CTNNA3: variants seen among roughly 807,000 people sequenced by gnomAD.
The protein encoded by CTNNA3 is catenin alpha 3.
In CTNNA3, 76 loss-of-function variants were observed where a neutral mutation model predicts 95.7. That is an observed-to-expected ratio of 0.79 (90% CI 0.66 to 0.96). The LOEUF (loss-of-function observed/expected upper bound fraction) is 0.96, where lower values mean the gene tolerates loss of function less well. Among genes scored for constraint, CTNNA3 ranks in the 40% least tolerant of loss-of-function variants. The pLI, the probability that CTNNA3 is intolerant of heterozygous loss-of-function variation, is 0.00. For synonymous variants in CTNNA3, 431 were observed against 374.4 expected (o/e 1.15, Z -1.74); for missense variants, 1,191 against 1,089.8 (o/e 1.09, Z -1.31).
At chr10:67,118,721 T>C (rs1285262543) in intron 7 of CTNNA3, among the ~76,000 whole-genome samples, 1 of 151,928 alleles carries the variant, frequency 6.6e-6, no homozygotes, top group Admixed American at 6.6e-5. Context: ...ATAAAAATAT[T>C]TGGAGCCTGC....
At chr10:66,134,909 T>C (rs1202344380) in intron 13 of CTNNA3, among the ~76,000 whole-genome samples, 5 of 152,236 alleles carry the variant, frequency 3.3e-5, no homozygotes, top group Admixed American at 3.3e-4. Flanking sequence ...CACTCTTGGT[T>C]GGAAATATTA....
intron 7 of CTNNA3, among the ~76,000 whole-genome samples, chr10:67,024,815 C>T (rs1853251926): frequency 6.6e-6 from 1 of 151,788 alleles, no homozygotes; most frequent in Non-Finnish European, 1.5e-5. Flanking sequence ...TATTTATAAC[C>T]AATATTAATG....
intron 1 of CTNNA3, among the ~76,000 whole-genome samples, chr10:67,703,298 C>A (rs954046420): frequency 2.0e-5 from 3 of 149,686 alleles, no homozygotes; most frequent in African/African-American, 7.6e-5. Flanking sequence ...CATCCTGATA[C>A]CAAAGCCTGG....
chr10:67,253,532 C>T (rs955049062), intron 5 of CTNNA3, among the ~76,000 whole-genome samples: 37 of 151,986 alleles, frequency 2.4e-4, no homozygotes, highest in Admixed American at 2.2e-3. Flanking sequence ...GGGAGATGAG[C>T]GAGATGATTT....
intron 7 of CTNNA3, among the ~76,000 whole-genome samples, chr10:66,797,929 G>A (rs571511716): frequency 2.6e-5 from 4 of 151,804 alleles, no homozygotes; most frequent in South Asian, 4.2e-4. Flanking sequence ...CAATAAACCA[G>A]GGACTAAAGC....
At chr10:66,493,599 A>ATTTTTTTTTTTTTTTTTTTTTTTTTTTT (rs528761424) in intron 11 of CTNNA3, among the ~76,000 whole-genome samples, 10 of 112,022 alleles carry the variant, frequency 8.9e-5, no homozygotes, top group East Asian at 3.7e-4. Flanking sequence ...TAACTACAGT[A>ATTTTTTTTTTTTTTTTTTTTTTTTTTTT]TTTTTTTTTT....
intron 3 of CTNNA3, among the ~76,000 whole-genome samples, chr10:67,563,605 C>G (rs559302345): frequency 6.6e-6 from 1 of 152,228 alleles, no homozygotes; most frequent in Non-Finnish European, 1.5e-5. Context: ...GAGTTAAACA[C>G]CAAGAGCAAT....
chr10:67,059,595 G>T (rs1481495438), intron 7 of CTNNA3, among the ~76,000 whole-genome samples: 1 of 152,104 alleles, frequency 6.6e-6, no homozygotes, highest in Admixed American at 6.6e-5. Context: ...ATTTTTAAAT[G>T]ATTTCCTTTT....
intron 1 of CTNNA3, among the ~76,000 whole-genome samples, chr10:67,707,546 T>C (rs1020156939): frequency 6.6e-6 from 1 of 152,176 alleles, no homozygotes; most frequent in Non-Finnish European, 1.5e-5. Flanking sequence ...TACTATTTTT[T>C]ATCTCACTGT....
At chr10:66,379,450 A>G in intron 11 of CTNNA3, 98 bp from the exon 12 acceptor site, 1 of 995,882 alleles carries the variant, frequency 1.0e-6, no homozygotes, top group Non-Finnish European at 1.5e-6. Flanking sequence ...GACTTCAGAT[A>G]GAGTGCACAT....
intron 1 of CTNNA3, among the ~76,000 whole-genome samples, chr10:67,734,723 A>G (rs1366052069): frequency 6.6e-6 from 1 of 152,160 alleles, no homozygotes. Flanking sequence ...TTTTAAAAGT[A>G]CATACTTTGA....
Position 66,960,184 on chromosome 10 carries a change from T to C in CTNNA3, c.1048-184660A>G, listed in dbSNP as rs557188625. On this transcript the variant is annotated intron_variant, in intron 7 of 17. Transcript: ENST00000433211. Reference sequence around the variant, plus strand: ...AACTTTATTTTTCATAAAGTGATTATAATAAAACCATTTTCACAATGAAAA... The same window carrying C: ...AACTTTATTTTTCATAAAGTGATTACAATAAAACCATTTTCACAATGAAAA... Among the ~76,000 whole-genome samples, 256 of 152,260 alleles carry C rather than the reference T, an allele frequency of 1.7e-3. 1 individual carries two copies. Among genetic ancestry groups the C allele is most frequent in the Non-Finnish European group, 2.9e-3 (195 of 68,002 alleles).
At chr10:65,958,065 T>G (rs1236479170) in intron 17 of CTNNA3, among the ~76,000 whole-genome samples, 1 of 151,522 alleles carries the variant, frequency 6.6e-6, no homozygotes, top group Admixed American at 6.6e-5. Flanking sequence ...CCATATTTCT[T>G]GGAGGCTTTA....
intron 16 of CTNNA3, among the ~76,000 whole-genome samples, chr10:65,980,165 T>C (rs1247072942): frequency 6.6e-6 from 1 of 151,822 alleles, no homozygotes; most frequent in Non-Finnish European, 1.5e-5. Context: ...ACCACAGAAA[T>C]ACAAAAGATT....
At chr10:66,649,612 T>C (rs2132407886) in intron 9 of CTNNA3, among the ~76,000 whole-genome samples, 1 of 152,296 alleles carries the variant, frequency 6.6e-6, no homozygotes, top group Admixed American at 6.5e-5. Context: ...GACTCCAGGC[T>C]GATACCTGCA....
intron 10 of CTNNA3, among the ~76,000 whole-genome samples, chr10:66,551,896 C>CT (rs141885331): frequency 0.054 from 6,164 of 113,970 alleles, 284 homozygotes; most frequent in African/African-American, 0.07. Context: ...TTTTCTTTTC[C>CT]TTTTTTTTTT....
intron 15 of CTNNA3, 77 bp downstream of exon 15, chr10:66,069,231 A>G (rs2080377062): frequency 7.1e-7 from 1 of 1,417,942 alleles, no homozygotes. Flanking sequence ...TGACACTCAG[A>G]GAATCTTGAG....
rs1589302817 is a variant in CTNNA3, at chr10:66,056,650, C to A, written c.2159+12658G>T. ...GTTTGGTAGAACCCAACAGTGAAGC[C>A]ATCAGCTTTTAGCCATTTCTTTTAT... On this transcript the variant is annotated intron_variant, in intron 15 of 17. Transcript: ENST00000433211. 3.3e-5 allele frequency among the ~76,000 whole-genome samples: 5 copies of A among 152,100 alleles called. No homozygotes were observed. The South Asian group carries it at 1.0e-3, about 32-fold the overall frequency.
intron 10 of CTNNA3, among the ~76,000 whole-genome samples, chr10:66,555,045 T>C (rs1911312): frequency 0.92 from 140,369 of 152,172 alleles, 64,919 homozygotes; most frequent in East Asian, 0.98. Flanking sequence ...TTCATGGTGT[T>C]CTGGGCATTA....
Sources: gnomAD v4.1 joint callset for allele counts (sites outside exome capture counted in the v4.1 genomes callset) on GRCh38, gnomAD v4.1.1 for gene constraint, MANE v1.5 for transcripts, NCBI Gene and HGNC (gene_info 2026-07-23, HGNC 2026-07-21) for gene names.